The following PVT1 variants were observed in gnomAD, a reference collection of about 807,000 sequenced individuals.
The protein encoded by PVT1 is CXCR4/PVT1 fusion.
chr8:127,956,668 A>G (rs1031788874), intron 3 of PVT1, among the ~76,000 whole-genome samples: 2 of 152,150 alleles, frequency 1.3e-5, no homozygotes, highest in Non-Finnish European at 2.9e-5. Flanking sequence ...TATTTTTAGT[A>G]GAGATGGAAT....
intron 4 of PVT1, among the ~76,000 whole-genome samples, chr8:128,016,741 C>G (rs942883671): frequency 4.6e-5 from 7 of 152,200 alleles, no homozygotes; most frequent in Admixed American, 1.3e-4. Flanking sequence ...ATTGAATAAG[C>G]TACCCAGGTG....
At chr8:128,007,129 C>T (rs569501389) in intron 4 of PVT1, among the ~76,000 whole-genome samples, 8 of 152,172 alleles carry the variant, frequency 5.3e-5, no homozygotes, top group Admixed American at 2.0e-4. Context: ...TTAAAAGAGA[C>T]GAAGGGACAC....
chr8:127,883,320 C>T (rs1172371815), intron 2 of PVT1, among the ~76,000 whole-genome samples: 5 of 152,144 alleles, frequency 3.3e-5, no homozygotes, highest in Non-Finnish European at 5.9e-5. Flanking sequence ...TCCATCTGCC[C>T]GTCCTATATT....
At chr8:128,065,033 A>G (rs1382546524) in intron 4 of PVT1, among the ~76,000 whole-genome samples, 2 of 152,142 alleles carry the variant, frequency 1.3e-5, no homozygotes, top group Non-Finnish European at 2.9e-5. Flanking sequence ...CCCAGATTTT[A>G]CTATCAGAGA....
At chr8:128,084,720 C>T (rs916863235) in intron 5 of PVT1, among the ~76,000 whole-genome samples, 1 of 152,164 alleles carries the variant, frequency 6.6e-6, no homozygotes, top group Non-Finnish European at 1.5e-5. Flanking sequence ...TATGAGCCTG[C>T]TCAATTGGCC....
intron 5 of PVT1, among the ~76,000 whole-genome samples, chr8:128,074,836 C>G (rs1005511925): frequency 2.0e-5 from 3 of 152,220 alleles, no homozygotes; most frequent in African/African-American, 7.2e-5. Context: ...CTTCCTCTCA[C>G]ACTGCAGGCT....
intron 5 of PVT1, among the ~76,000 whole-genome samples, chr8:128,088,276 A>G (rs1814284034): frequency 1.3e-5 from 2 of 152,172 alleles, no homozygotes; most frequent in South Asian, 2.1e-4. Context: ...GTGAAAGCCC[A>G]TGGGCTCAGC....
chr8:127,906,015 C>A (rs1815815720), intron 3 of PVT1, among the ~76,000 whole-genome samples: 1 of 152,204 alleles, frequency 6.6e-6, no homozygotes, highest in South Asian at 2.1e-4. Context: ...TTTGCACAAA[C>A]CCCACACACA....
chr8:127,812,911 T>C (rs547221607), intron 2 of PVT1, among the ~76,000 whole-genome samples: 112 of 152,104 alleles, frequency 7.4e-4, no homozygotes, highest in African/African-American at 2.6e-3. Context: ...AGAGGAACTA[T>C]AGATTTTTAT....
intron 4 of PVT1, among the ~76,000 whole-genome samples, chr8:127,998,874 TC>T (rs1403696827): frequency 3.3e-5 from 5 of 149,258 alleles, no homozygotes; most frequent in African/African-American, 4.9e-5. Context: ...TCTCTCTCTC[TC>T]TTTTTTTGGT....
At chr8:127,874,239 C>T (rs1370622881) in intron 2 of PVT1, among the ~76,000 whole-genome samples, 3 of 152,090 alleles carry the variant, frequency 2.0e-5, no homozygotes, top group African/African-American at 7.2e-5. Flanking sequence ...CATGGGAGCA[C>T]TGGAGAAGGG....
At chr8:127,835,087 A>G (rs1029008874) in intron 2 of PVT1, among the ~76,000 whole-genome samples, 1 of 152,144 alleles carries the variant, frequency 6.6e-6, no homozygotes, top group African/African-American at 2.4e-5. Flanking sequence ...CCAGCAATCC[A>G]ATTACTGGGT....
At chr8:127,878,854 G>A (rs917324934) in intron 2 of PVT1, among the ~76,000 whole-genome samples, 1 of 152,306 alleles carries the variant, frequency 6.6e-6, no homozygotes, top group Admixed American at 6.5e-5. Context: ...CAAGGGGGTG[G>A]GGAGAAGTGG....
intron 3 of PVT1, among the ~76,000 whole-genome samples, chr8:127,971,545 A>G (rs991624173): frequency 6.6e-5 from 10 of 152,142 alleles, no homozygotes; most frequent in African/African-American, 9.7e-5. Context: ...ATATTTTTTG[A>G]TTAAAGGAAG....
At chr8:128,056,664 G>A (rs1232516514) in intron 4 of PVT1, among the ~76,000 whole-genome samples, 1 of 152,162 alleles carries the variant, frequency 6.6e-6, no homozygotes, top group Non-Finnish European at 1.5e-5. Context: ...TGGTTGCCAA[G>A]ACTGCCCTTG....
intron 2 of PVT1, among the ~76,000 whole-genome samples, chr8:127,828,471 C>T (rs1786912572): frequency 6.6e-6 from 1 of 152,156 alleles, no homozygotes; most frequent in Non-Finnish European, 1.5e-5. Context: ...TTCTTGGAAG[C>T]ACAAGCCCTG....
intron 2 of PVT1, among the ~76,000 whole-genome samples, chr8:127,853,582 A>G (rs1815128506): frequency 6.6e-6 from 1 of 152,084 alleles, no homozygotes; most frequent in Non-Finnish European, 1.5e-5. Context: ...GGAGTTCGAG[A>G]CCAACCTGGG....
At chr8:128,069,255 T>C (rs1194267301) in intron 4 of PVT1, among the ~76,000 whole-genome samples, 1 of 152,216 alleles carries the variant, frequency 6.6e-6, no homozygotes, top group Non-Finnish European at 1.5e-5. Flanking sequence ...CATGACAGCT[T>C]CTTTTTTTCT....
intron 5 of PVT1, among the ~76,000 whole-genome samples, chr8:128,091,603 C>T (rs115829060): frequency 0.013 from 1,927 of 152,286 alleles, 32 homozygotes; most frequent in African/African-American, 0.044. Context: ...TAGAGGGATA[C>T]ATGAAAGAGC....
Sources: gnomAD v4.1 joint callset for allele counts (sites outside exome capture counted in the v4.1 genomes callset) on GRCh38, gnomAD v4.1.1 for gene constraint, MANE v1.5 for transcripts, NCBI Gene and HGNC (gene_info 2026-07-23, HGNC 2026-07-21) for gene names.